Variants in KIF1A observed in about 807,000 individuals in gnomAD.
KIF1A encodes kinesin-like protein KIF1A.
In KIF1A, 46 loss-of-function variants were observed where a neutral mutation model predicts 227.3. That is an observed-to-expected ratio of 0.20 (90% CI 0.16 to 0.26). KIF1A has a LOEUF of 0.26. Among genes scored for constraint, KIF1A ranks in the 10% least tolerant of loss-of-function variants. The pLI is 1.00. For synonymous variants in KIF1A, 1,022 were observed against 1,012.8 expected (o/e 1.01, Z -0.17); for missense variants, 1,683 against 2,485.9 (o/e 0.68, Z 6.87).
chr2:240,821,162 G>T (rs2058676857), upstream of KIF1A, among the ~76,000 whole-genome samples: 1 of 152,204 alleles, frequency 6.6e-6, no homozygotes, highest in Non-Finnish European at 1.5e-5. Context: ...ACGGATTTCG[G>T]GCCACCCTGA....
intron 1 of KIF1A, among the ~76,000 whole-genome samples, chr2:240,812,479 C>T (rs1388753986): frequency 6.6e-6 from 1 of 151,924 alleles, no homozygotes; most frequent in Non-Finnish European, 1.5e-5. Context: ...AGGGGCCCGC[C>T]TTTACCTCGG....
chr2:240,759,180 T>G (rs559819726), intron 25 of KIF1A, among the ~76,000 whole-genome samples: 2 of 152,080 alleles, frequency 1.3e-5, no homozygotes, highest in African/African-American at 4.8e-5. Context: ...TGCATGAATG[T>G]GTATGTGTGT....
chr2:240,802,190 G>C (rs2057033914), intron 1 of KIF1A, among the ~76,000 whole-genome samples: 1 of 150,788 alleles, frequency 6.6e-6, no homozygotes, highest in Admixed American at 6.6e-5. Flanking sequence ...CAAAAGACAA[G>C]ACTGCAAGAT....
At chr2:240,737,746 C>G (rs1459375325) in intron 37 of KIF1A, among the ~76,000 whole-genome samples, 1 of 152,210 alleles carries the variant, frequency 6.6e-6, no homozygotes, top group Admixed American at 6.5e-5. Context: ...GAGCCGTTAT[C>G]AGGCAGGAAA....
chr2:240,785,210 G>A, intron 6 of KIF1A, 110 bp from the exon 7 acceptor site: 1 of 875,896 alleles, frequency 1.1e-6, no homozygotes, highest in Non-Finnish European at 1.8e-6. Context: ...AGTTCCCCCA[G>A]ACCCCAGGGG....
chr2:240,732,390 T>C (rs1481695438), intron 38 of KIF1A, among the ~76,000 whole-genome samples: 1 of 119,330 alleles, frequency 8.4e-6, no homozygotes, highest in Non-Finnish European at 1.7e-5. Flanking sequence ...GCGGAGGGAA[T>C]GAAGGGAGGC....
intron 38 of KIF1A, among the ~76,000 whole-genome samples, chr2:240,731,297 A>G (rs553495867): frequency 9.3e-5 from 14 of 151,224 alleles, no homozygotes; most frequent in Non-Finnish European, 1.9e-4. Flanking sequence ...CAGACTAAAC[A>G]GAGGCAGGGA....
At position 240,790,624 on chromosome 2, in the gene KIF1A, G is replaced by T. The variant is rs2055547599; in HGVS notation, c.107-1312C>A. Among the ~76,000 whole-genome samples, 1 of 152,064 alleles carries T rather than the reference G, an allele frequency of 6.6e-6. No homozygotes were observed. The highest frequency in any genetic ancestry group is 1.5e-5 in the Non-Finnish European group (1 of 68,022). On this transcript the variant is annotated intron_variant, in intron 2 of 48. Transcript: ENST00000498729. The surrounding 1 kb of genome is among the most constrained non-coding windows in gnomAD (Gnocchi z 5.0). ...TGGGACCTCATTTGGAGATAAAGTT[G>T]CTGCAGATGTAATTAGTTAAGATGA...
At position 240,722,484 on chromosome 2, in the gene KIF1A, T is replaced by C. The variant is rs776993663; in HGVS notation, c.4637A>G (p.Asn1546Ser). ...GACGGCCAGCTCCCGCTGCCTCTCG[T>C]TGGGAGCCTCCAGGGGTGATGGGCG... The part of the protein sequence containing the change: ...EGRPSPLEAP[N>S]ERQRELAVKC... Residue 1546 changes from asparagine to serine, a missense_variant, in exon 43 of 49, where the codon AAC (asparagine) becomes AGC (serine). Coordinates refer to ENST00000498729, the MANE Select transcript of KIF1A (RefSeq NM_001244008.2). 26 of 1,545,630 alleles carry C rather than the reference T, an allele frequency of 1.7e-5. No homozygotes were observed. The highest frequency in any genetic ancestry group is 1.7e-5 in the Non-Finnish European group (19 of 1,146,178).
chr2:240,763,451 C>CGTT, intron 20 of KIF1A, 105 bp from the exon 21 acceptor site: 8 of 1,061,196 alleles, frequency 7.5e-6, no homozygotes, highest in South Asian at 1.6e-5. Context: ...TGCAGGCACC[C>CGTT]CACCATCCCC....
chr2:240,733,991 G>C (rs1385633233), intron 38 of KIF1A, among the ~76,000 whole-genome samples: 1 of 152,242 alleles, frequency 6.6e-6, no homozygotes, highest in African/African-American at 2.4e-5. Context: ...GGCACGGGCA[G>C]GGGCCTCACT....
At position 240,787,103 on chromosome 2, in the gene KIF1A, C is replaced by T. The variant is rs551806091; in HGVS notation, c.429+148G>A. 21 of 676,274 alleles carry T rather than the reference C, an allele frequency of 3.1e-5. 1 individual carries two copies. The highest frequency in any genetic ancestry group is 2.8e-4 in the African/African-American group (16 of 56,784). The allele number at this position is 676,274 out of a possible 1,614,324, so 41.9% of individuals were successfully genotyped here. On this transcript the variant is annotated intron_variant, in intron 5 of 48. Coordinates refer to ENST00000498729, the MANE Select transcript of KIF1A (RefSeq NM_001244008.2). ...GGGGGTCTCGAGCCCTGCCCAGGCC[C>T]GCCGTCTTGCCTGCCACTTGGATGA... is the stretch of plus-strand genomic sequence containing the variant.
At chr2:240,761,866 G>A (rs1156458803) in intron 23 of KIF1A, among the ~76,000 whole-genome samples, 1 of 152,108 alleles carries the variant, frequency 6.6e-6, no homozygotes, top group Non-Finnish European at 1.5e-5. Context: ...TGGGGAGCAG[G>A]GCCCACAGGA....
chr2:240,765,880 C>T, intron 19 of KIF1A, 87 bp from the exon 20 acceptor site: 2 of 918,212 alleles, frequency 2.2e-6, no homozygotes, highest in Admixed American at 2.0e-5. Context: ...CCGGGCATGG[C>T]CTCTTCCAAG....
chr2:240,734,823 A>C, intron 38 of KIF1A: 6 of 1,036,730 alleles, frequency 5.8e-6, no homozygotes, highest in Non-Finnish European at 8.0e-6. Context: ...AGGCAGAGGG[A>C]AGCGGCCTGT....
Position 240,720,970 on chromosome 2 carries a change from G to A in KIF1A, c.4812C>T (p.Thr1604=), listed in dbSNP as rs76974316. Residue 1604 remains threonine, a synonymous_variant, in exon 45 of 49, where the codon ACC becomes ACT. Coordinates refer to ENST00000498729, the MANE Select transcript of KIF1A (RefSeq NM_001244008.2). ...SMSPLGVATL[T]PSSTCPSLVE... is the part of the protein sequence containing the mutation. The stretch of plus-strand genomic sequence containing the variant: ...CCAGAGAGGGGCAAGTGGAGGAGGG[G>A]GTGAGAGTGGCCACCCCTAGAGGGG... The A allele has an allele frequency of 6.2e-7, 1 of 1,605,672 alleles. No individual in the cohort carries two copies.
In KIF1A at chr2:240,717,081, C is replaced by T. The variant is rs1012732534; in HGVS notation, c.*283G>A. 4.6e-6 allele frequency: 2 copies of T among 436,356 alleles called. No homozygotes were observed. The highest frequency in any genetic ancestry group is 8.1e-6 in the Non-Finnish European group (2 of 245,536). 27.0% of individuals were successfully genotyped at this position (436,356 alleles called of 1,614,324 possible). On this transcript the variant is annotated 3_prime_UTR_variant, in exon 49 of 49. Coordinates refer to ENST00000498729, the MANE Select transcript of KIF1A (RefSeq NM_001244008.2). ...GTCTATGCTTAAAAAAATATTAGAA[C>T]GGCAGCAAGAACCCCCGTAACCTGT...
At chr2:240,727,846 C>T (rs2046205898) in intron 38 of KIF1A, among the ~76,000 whole-genome samples, 1 of 152,198 alleles carries the variant, frequency 6.6e-6, no homozygotes, top group African/African-American at 2.4e-5. Flanking sequence ...TGTTTTCAGC[C>T]TTCTGGATGG....
At chr2:240,722,736 G>A (rs2045554493) in intron 42 of KIF1A, 80 bp from the exon 43 acceptor site, 1 of 1,195,088 alleles carries the variant, frequency 8.4e-7, no homozygotes, top group Admixed American at 2.8e-5. Flanking sequence ...GCAGCAGCAT[G>A]ACCCTCTGGG....
Sources: allele counts gnomAD v4.1 joint callset (sites outside exome capture counted in the v4.1 genomes callset), GRCh38; gene constraint gnomAD v4.1.1; non-coding constraint Gnocchi (gnomAD v3.1); transcripts MANE v1.5; gene names NCBI Gene and HGNC (gene_info 2026-07-23, HGNC 2026-07-21).